Variants in PCLO observed in about 807,000 individuals in gnomAD.
PCLO encodes protein piccolo.
In PCLO, 82 loss-of-function variants were observed where a neutral mutation model predicts 427.5. The ratio of observed to expected loss-of-function variants is 0.19; its 90% CI spans 0.16 to 0.23. The LOEUF (loss-of-function observed/expected upper bound fraction) is 0.23. Among genes scored for constraint, PCLO ranks in the 10% least tolerant of loss-of-function variants. The pLI, the probability that PCLO is intolerant of heterozygous loss-of-function variation, is 1.00. For missense variants in PCLO, 6,239 were observed against 6,115.9 expected, an observed-to-expected ratio of 1.02 and a Z score of -0.67; for synonymous variants, 2,357 against 2,155.4, an observed-to-expected ratio of 1.09 and a Z score of -2.59.
intron 3 of PCLO, among the ~76,000 whole-genome samples, chr7:83,061,364 T>C (rs894944312): frequency 1.3e-5 from 2 of 152,222 alleles, no homozygotes; most frequent in African/African-American, 4.8e-5. Context: ...GCTCCTGTTC[T>C]TTGTCTTTAT....
Position 82,822,483 on chromosome 7 carries a change from T to C in PCLO, c.14791+12A>G. On this transcript the variant is annotated intron_variant, in intron 20 of 24. Transcript: ENST00000333891. ...AAGCTGCCATGCTGAGGAATTTATTTGCGTCTTTTACTTGGTTGAATGCGG... is the reference window on the plus strand; with the variant it reads ...AAGCTGCCATGCTGAGGAATTTATTCGCGTCTTTTACTTGGTTGAATGCGG... 1 of 1,613,874 alleles carries C rather than the reference T, an allele frequency of 6.2e-7. No individual in the cohort carries two copies. The highest frequency in any genetic ancestry group is 1.1e-5 in the South Asian group (1 of 91,080).
rs1790278723 is a variant in PCLO at position 82,754,571 on chromosome 7, C to T, written c.*4004G>A. On this transcript the variant is annotated 3_prime_UTR_variant, in exon 25 of 25. Coordinates refer to ENST00000333891, the MANE Select transcript of PCLO (RefSeq NM_033026.6). ...TAATATTTCAACTTCGTCTACTTTACCAAGTGTATACTTATGTACAAGGTA... is the reference window on the plus strand; with the variant it reads ...TAATATTTCAACTTCGTCTACTTTATCAAGTGTATACTTATGTACAAGGTA... 1.3e-5 allele frequency: 2 copies of T among 152,028 alleles called. No homozygotes were observed. Among genetic ancestry groups the T allele is most frequent in the Non-Finnish European group, 2.9e-5 (2 of 67,948 alleles). The allele number at this position is 152,028 out of a possible 1,614,324, so 9.4% of individuals were successfully genotyped here. A position where few individuals can be genotyped will look rare whatever the true frequency, so the allele number is the denominator to read the frequency against.
At chr7:82,968,197 TA>T (rs1415467566) in intron 3 of PCLO, among the ~76,000 whole-genome samples, 6 of 152,202 alleles carry the variant, frequency 3.9e-5, no homozygotes, top group Non-Finnish European at 8.8e-5. Context: ...ATGCTGCCAA[TA>T]AAATATTAGG....
chr7:82,942,136 A>C (rs376217880), intron 6 of PCLO, among the ~76,000 whole-genome samples: 3 of 152,314 alleles, frequency 2.0e-5, no homozygotes, highest in African/African-American at 7.2e-5. Flanking sequence ...CTGAGATCAC[A>C]TCATTGCTCA....
Position 82,915,839 on chromosome 7 carries a change from A to C in PCLO, c.12147T>G (p.Ile4049Met). 1 of 1,613,540 alleles carries C rather than the reference A, an allele frequency of 6.2e-7. No individual in the cohort carries two copies. Among genetic ancestry groups the C allele is most frequent in the Non-Finnish European group, 8.5e-7 (1 of 1,179,712 alleles). The change falls in exon 7 of 25, where the codon ATT becomes ATG. Residue 4049 changes from isoleucine to methionine, a missense_variant. By Grantham distance (10) the Ile-to-Met change is conservative. This residue lies in a region of PCLO where 680 missense variants were observed against 677.3 expected (regional missense o/e 1.00). Coordinates refer to ENST00000333891, the MANE Select transcript of PCLO (RefSeq NM_033026.6). Reference sequence around the variant, plus strand: ...CTTTGGTGATCTCTCCAATGTCGTCAATTAGGACATAATTTCGTGGAGTAT... The same window carrying C: ...CTTTGGTGATCTCTCCAATGTCGTCCATTAGGACATAATTTCGTGGAGTAT... ...DHHTPRNYVL[I>M]DDIGEITKGT...
intron 3 of PCLO, among the ~76,000 whole-genome samples, chr7:82,969,395 G>A (rs1463014841): frequency 3.3e-5 from 5 of 152,080 alleles, no homozygotes; most frequent in African/African-American, 1.2e-4. Context: ...CTTATCCTGA[G>A]AGCCTCATTG....
chr7:83,056,768 T>C (rs1256230889), intron 3 of PCLO, among the ~76,000 whole-genome samples: 3 of 152,162 alleles, frequency 2.0e-5, no homozygotes, highest in Non-Finnish European at 4.4e-5. Context: ...AAATCATAGA[T>C]GTTAAGGTGA....
At chr7:82,908,318 T>A (rs1342010909) in intron 8 of PCLO, among the ~76,000 whole-genome samples, 3 of 152,100 alleles carry the variant, frequency 2.0e-5, no homozygotes, top group Non-Finnish European at 4.4e-5. Context: ...TCTTCCTCTA[T>A]AAGAATACAC....
intron 9 of PCLO, among the ~76,000 whole-genome samples, chr7:82,882,914 T>A (rs1259674376): frequency 1.3e-5 from 2 of 152,110 alleles, no homozygotes; most frequent in African/African-American, 4.8e-5. Flanking sequence ...AAAGCTCTGG[T>A]ATTTTAAAGT....
At position 82,951,047 on chromosome 7, in the gene PCLO, C is replaced by G. The variant is rs1795332176; in HGVS notation, c.9541G>C (p.Val3181Leu). The G allele has an allele frequency of 1.9e-6, 3 of 1,613,906 alleles. No individual in the cohort carries two copies. Among genetic ancestry groups the G allele is most frequent in the South Asian group, 1.1e-5 (1 of 91,082 alleles). ...TCGGATGCTGTGGTTAAAGTGGGAA[C>G]AGAGTCTATCGTCTCAGCAGTAAGA... ...ESLTAETIDSVPTLTTASEVF... is the reference protein window; with the variant it reads ...ESLTAETIDSLPTLTTASEVF... Residue 3181 changes from valine (V) to leucine (L), a missense_variant, in exon 6 of 25, where the codon GTT becomes CTT. By Grantham distance (32) the Val-to-Leu change is conservative. Coordinates refer to ENST00000333891, the MANE Select transcript of PCLO (RefSeq NM_033026.6).
chr7:82,922,759 G>C (rs116277248), intron 6 of PCLO, among the ~76,000 whole-genome samples: 1 of 151,788 alleles, frequency 6.6e-6, no homozygotes, highest in Non-Finnish European at 1.5e-5. Flanking sequence ...GAAAAAAAAC[G>C]AACTACCTCA....
intron 3 of PCLO, among the ~76,000 whole-genome samples, chr7:82,984,783 G>A (rs1796222886): frequency 6.6e-6 from 1 of 151,868 alleles, no homozygotes; most frequent in Non-Finnish European, 1.5e-5. Flanking sequence ...TAAGGCCTAT[G>A]CCTGCTTCTT....
chr7:82,978,492 C>T (rs1053800630), intron 3 of PCLO, among the ~76,000 whole-genome samples: 3 of 151,934 alleles, frequency 2.0e-5, no homozygotes, highest in African/African-American at 4.8e-5. Flanking sequence ...ATAATTATTA[C>T]ACAATTTCTA....
chr7:82,933,606 A>G (rs1794886050), intron 6 of PCLO, among the ~76,000 whole-genome samples: 2 of 117,710 alleles, frequency 1.7e-5, no homozygotes, highest in African/African-American at 6.4e-5. Context: ...TAAGAAATGA[A>G]GAAATGCTCC....
At position 82,951,380 on chromosome 7, in the gene PCLO, G is replaced by C. The variant is rs1326686534; in HGVS notation, c.9208C>G (p.Pro3070Ala). 1 of 1,604,172 alleles carries C rather than the reference G, an allele frequency of 6.2e-7. No individual in the cohort carries two copies. The highest frequency in any genetic ancestry group is 8.5e-7 in the Non-Finnish European group (1 of 1,174,900). ...TPQYSTARMT[P>A]PPGPQYCVGS... ...ACACAATACTGGGGTCCTGGTGGTG[G>C]TGTCATTCTTGCTGTGGAATACTGT... The change falls in exon 6 of 25, where the codon CCA (proline) becomes GCA (alanine). Residue 3070 changes from proline to alanine, a missense_variant. Pro to Ala is a conservative substitution (Grantham distance 27, BLOSUM62 -1). Coordinates refer to ENST00000333891, the MANE Select transcript of PCLO (RefSeq NM_033026.6).
In PCLO at chr7:82,888,624, T is replaced by A. The variant is rs557633355; in HGVS notation, c.13529-9162A>T. On this transcript the variant is annotated intron_variant, in intron 9 of 24. Transcript: ENST00000333891. ...AACAAATCTTTTTAAAAAAAAGACT[T>A]AATAAACGAAGCTATATTTTCAATG... 3.3e-3 allele frequency among the ~76,000 whole-genome samples: 506 copies of A among 152,242 alleles called. 1 individual carries two copies. Among genetic ancestry groups the A allele is most frequent in the African/African-American group, 0.012 (487 of 41,540 alleles).
At chr7:82,937,886 A>G (rs1308247555) in intron 6 of PCLO, among the ~76,000 whole-genome samples, 5 of 151,888 alleles carry the variant, frequency 3.3e-5, no homozygotes, top group African/African-American at 4.8e-5. Context: ...AAATAACAAT[A>G]GGTAGTCTCC....
chr7:82,949,865 T>C lies in PCLO; in HGVS notation c.10723A>G (p.Thr3575Ala). 6.2e-7 allele frequency: 1 copy of C among 1,613,804 alleles called. No homozygotes were observed. Among genetic ancestry groups the C allele is most frequent in the Non-Finnish European group, 8.5e-7 (1 of 1,179,840 alleles). ...LGCQTEADSD[T>A]QSPQYLSATS... is the part of the protein sequence containing the mutation. ...GCACTCAGATATTGAGGACTTTGTG[T>C]GTCTGAATCTGCTTCTGTTTGACAT... The change falls in exon 6 of 25, where the codon ACA becomes GCA. Residue 3575 changes from threonine to alanine, a missense_variant. Around this residue, in one of 5 missense-constraint regions of PCLO, gnomAD observed 4,677 missense variants for 4,468.4 expected, o/e 1.05. Coordinates refer to ENST00000333891, the MANE Select transcript of PCLO (RefSeq NM_033026.6).
At chr7:82,805,374 T>C (rs2129468808) in intron 21 of PCLO, among the ~76,000 whole-genome samples, 1 of 152,328 alleles carries the variant, frequency 6.6e-6, no homozygotes, top group South Asian at 2.1e-4. Context: ...TATTTGGTCA[T>C]TATGTGATTA....
Sources: allele counts gnomAD v4.1 joint callset (sites outside exome capture counted in the v4.1 genomes callset), GRCh38; gene constraint gnomAD v4.1.1; regional missense constraint gnomAD v4.1.1; transcripts MANE v1.5; gene names NCBI Gene and HGNC (gene_info 2026-07-23, HGNC 2026-07-21).